DNMBP: variants seen among roughly 807,000 people sequenced by gnomAD.
DNMBP encodes the protein dynamin-binding protein.
In DNMBP, 87 loss-of-function variants were observed where a neutral mutation model predicts 150.0. That is an observed-to-expected ratio of 0.58 (90% CI 0.49 to 0.69). The LOEUF (loss-of-function observed/expected upper bound fraction) is 0.69. Ranked by LOEUF, DNMBP falls within the 30% of genes least tolerant of loss-of-function variation. The probability of loss-of-function intolerance (pLI) is 0.00; values close to 1 mark genes in which losing one functional copy is unlikely to be tolerated. For missense variants in DNMBP, 1,774 were observed against 1,949.0 expected, an observed-to-expected ratio of 0.91 and a Z score of 1.69; for synonymous variants, 711 against 750.4, an observed-to-expected ratio of 0.95 and a Z score of 0.86.
At position 99,918,027 on chromosome 10, in the gene DNMBP, A is replaced by G. The variant is rs562177167; in HGVS notation, c.2261-8881T>C. Among the ~76,000 whole-genome samples the G allele has an allele frequency of 3.8e-4, 58 of 152,118 alleles. 2 individuals are homozygous for G. The highest frequency in any genetic ancestry group is 8.3e-4 in the South Asian group (4 of 4,818). ...AAAACATTGTTGAAATAATATGCAA[A>G]ATAGAAAGCAAAAACACAACTGCCT... On this transcript the variant is annotated intron_variant, in intron 4 of 16. Transcript: ENST00000324109.
intron 13 of DNMBP, among the ~76,000 whole-genome samples, 185 bp from the exon 14 acceptor site, chr10:99,886,051 T>C (rs1209896613): frequency 2.6e-5 from 4 of 152,164 alleles, no homozygotes; most frequent in Non-Finnish European, 5.9e-5. Context: ...AAGACACAAG[T>C]TCTCCAGGGC....
intron 4 of DNMBP, among the ~76,000 whole-genome samples, chr10:99,914,909 T>G (rs960646759): frequency 1.3e-5 from 2 of 151,478 alleles, no homozygotes; most frequent in Non-Finnish European, 2.9e-5. Context: ...CTGGTCAACA[T>G]GGTGAAACCC....
In DNMBP at chr10:100,002,253, A is replaced by G. The variant is rs183796420; in HGVS notation, c.-11+7585T>C. On this transcript the variant is annotated intron_variant, in intron 1 of 16. Coordinates refer to ENST00000324109, the MANE Select transcript of DNMBP (RefSeq NM_015221.4). ...GGCAGGATTATAGATTCGCTTTTCT[A>G]TATTTTACAGATGCTCTGTAATAAA... 7.0e-4 allele frequency among the ~76,000 whole-genome samples: 107 copies of G among 152,066 alleles called. 1 individual carries two copies. The highest frequency in any genetic ancestry group is 1.1e-3 in the Non-Finnish European group (76 of 68,028).
intron 6 of DNMBP, among the ~76,000 whole-genome samples, chr10:99,902,095 G>C (rs1037916439): frequency 2.6e-5 from 4 of 151,870 alleles, no homozygotes; most frequent in African/African-American, 9.7e-5. Flanking sequence ...TCGGCACGTT[G>C]GTCAGGCTGG....
chr10:99,957,316 C>T (rs1564746161), intron 3 of DNMBP, 111 bp from the exon 4 acceptor site: 1 of 929,910 alleles, frequency 1.1e-6, no homozygotes, highest in East Asian at 2.6e-5. Context: ...CAAGGAAATA[C>T]ACCTAGAGCT....
chr10:99,889,165 A>C, intron 11 of DNMBP: 1 of 516,756 alleles, frequency 1.9e-6, no homozygotes, highest in Non-Finnish European at 3.4e-6. Context: ...ATTCTTAACA[A>C]AACTGTTGAG....
intron 6 of DNMBP, among the ~76,000 whole-genome samples, chr10:99,905,894 G>A (rs916694785): frequency 3.3e-5 from 5 of 152,170 alleles, no homozygotes; most frequent in Non-Finnish European, 5.9e-5. Flanking sequence ...TGCTTGACCT[G>A]GGTAATCGAG....
chr10:99,931,037 T>C (rs2040151276), intron 4 of DNMBP: 1 of 346,838 alleles, frequency 2.9e-6, no homozygotes, highest in Non-Finnish European at 5.1e-6. Flanking sequence ...CCAGCTTTGT[T>C]TGGTGTTTCC....
chr10:99,930,269 A>T (rs866521157), intron 4 of DNMBP: 15 of 702,900 alleles, frequency 2.1e-5, no homozygotes, highest in South Asian at 1.0e-4. Flanking sequence ...CTGAAGAATC[A>T]TCCAAACCCC....
rs1479231012 is a variant in DNMBP, at chr10:99,955,198, T to A, written c.2260+16A>T. 1 of 1,599,256 alleles carries A rather than the reference T, an allele frequency of 6.3e-7. No homozygotes were observed. Among genetic ancestry groups the A allele is most frequent in the South Asian group, 1.1e-5 (1 of 88,828 alleles). ...AGTGTCAAGAAACAATTACATATTA[T>A]TTCCTCGTCACTTACCTCTTAGTTG... On this transcript the variant is annotated intron_variant, in intron 4 of 16. Coordinates refer to ENST00000324109, the MANE Select transcript of DNMBP (RefSeq NM_015221.4).
chr10:99,934,914 C>T (rs1479649831), intron 4 of DNMBP, among the ~76,000 whole-genome samples: 1 of 134,890 alleles, frequency 7.4e-6, no homozygotes, highest in Non-Finnish European at 1.6e-5. Flanking sequence ...GCCTGGGCAA[C>T]ATAGTGAGAC....
In DNMBP at chr10:99,972,111, G is replaced by A; in HGVS notation, c.14C>T (p.Ser5Leu). The change falls in exon 2 of 17, where the codon TCA (serine) becomes TTA (leucine). Residue 5 changes from serine (S) to leucine (L), a missense_variant. Physicochemically the swap from Ser to Leu is moderately radical, Grantham distance 145 (BLOSUM62 -2). This residue lies in a region of DNMBP where 344 missense variants were observed against 456.6 expected (regional missense o/e 0.75). Coordinates refer to ENST00000324109, the MANE Select transcript of DNMBP (RefSeq NM_015221.4). Reference protein sequence around the residue: MEAGSVVRAIFDFCP... With the variant: MEAGLVVRAIFDFCP... ...GAAGTCAAAAATGGCTCGAACCACT[G>A]AGCCAGCCTCCATGTTTTATAACCT... 1 of 1,612,144 alleles carries A rather than the reference G, an allele frequency of 6.2e-7. No homozygotes were observed.
At chr10:99,994,652 C>A (rs2040932528) in intron 1 of DNMBP, among the ~76,000 whole-genome samples, 1 of 152,160 alleles carries the variant, frequency 6.6e-6, no homozygotes, top group Non-Finnish European at 1.5e-5. Flanking sequence ...TAAATGAGAT[C>A]CCTGCATATG....
intron 4 of DNMBP, among the ~76,000 whole-genome samples, chr10:99,932,433 A>G (rs1245368381): frequency 3.9e-5 from 6 of 152,212 alleles, no homozygotes; most frequent in Non-Finnish European, 8.8e-5. Flanking sequence ...CATCAGTCAA[A>G]GCACATGTGT....
In DNMBP at chr10:99,952,467, A is replaced by C. The variant is rs903868534; in HGVS notation, c.2260+2747T>G. The stretch of plus-strand genomic sequence containing the variant: ...CCCTGAGAGCTCAAGTACTCATATT[A>C]AATGAACACCTTTTTGAGGACTTGT... On this transcript the variant is annotated intron_variant, in intron 4 of 16. Transcript: ENST00000324109. Among the ~76,000 whole-genome samples, 4 of 152,198 alleles carry C rather than the reference A, an allele frequency of 2.6e-5. 1 individual carries two copies. The highest frequency in any genetic ancestry group is 9.7e-5 in the African/African-American group (4 of 41,442).
intron 11 of DNMBP, among the ~76,000 whole-genome samples, chr10:99,893,728 G>A (rs1199253190): frequency 6.6e-6 from 1 of 151,946 alleles, no homozygotes; most frequent in Non-Finnish European, 1.5e-5. Context: ...TGTCTCAAAG[G>A]AAAAAAGAAC....
At chr10:99,971,905 G>T in intron 2 of DNMBP, 75 bp downstream of exon 2, 1 of 1,351,632 alleles carries the variant, frequency 7.4e-7, no homozygotes, top group Non-Finnish European at 1.0e-6. Flanking sequence ...GCCCAGGCTG[G>T]AGTGCAGTGC....
chr10:99,938,110 T>A (rs958444312), intron 4 of DNMBP, among the ~76,000 whole-genome samples: 2 of 152,254 alleles, frequency 1.3e-5, no homozygotes, highest in Admixed American at 1.3e-4. Context: ...AAGATTAAAC[T>A]TTCTCTGTTA....
rs2039698593 is a variant in DNMBP at position 99,898,898 on chromosome 10, A to C, written c.2703-138T>G. 3 of 897,804 alleles carry C rather than the reference A, an allele frequency of 3.3e-6. No homozygotes were observed. The Admixed American group carries it at 6.8e-5, about 20-fold the overall frequency. The allele number at this position is 897,804 out of a possible 1,614,324, so 55.6% of individuals were successfully genotyped here. ...ATGGTAACATATTTAGTCTACTAAA[A>C]AATGTTAGCCCCGGCCAGGCATGGT... On this transcript the variant is annotated intron_variant, in intron 7 of 16. Transcript: ENST00000324109.
Sources: allele counts gnomAD v4.1 joint callset (sites outside exome capture counted in the v4.1 genomes callset), GRCh38; gene constraint gnomAD v4.1.1; regional missense constraint gnomAD v4.1.1; transcripts MANE v1.5; gene names NCBI Gene and HGNC (gene_info 2026-07-23, HGNC 2026-07-21).